KIAA0825: variants seen among roughly 807,000 people sequenced by gnomAD.
The protein encoded by KIAA0825 is KIAA0825.
Under a neutral mutation model 147.6 loss-of-function variants are expected in KIAA0825, and 119 were observed. The ratio of observed to expected loss-of-function variants is 0.81; its 90% CI spans 0.69 to 0.94. The LOEUF (loss-of-function observed/expected upper bound fraction) is 0.94. Ranked by LOEUF, KIAA0825 falls within the 40% of genes least tolerant of loss-of-function variation. KIAA0825 has a pLI of 0.00. For synonymous variants in KIAA0825, 470 were observed against 518.1 expected, an observed-to-expected ratio of 0.91 and a Z score of 1.26; for missense variants, 1,381 against 1,472.7, an observed-to-expected ratio of 0.94 and a Z score of 1.02.
At chr5:94,427,797 G>A (rs1755084833) in intron 14 of KIAA0825, among the ~76,000 whole-genome samples, 1 of 152,026 alleles carries the variant, frequency 6.6e-6, no homozygotes, top group South Asian at 2.1e-4. Flanking sequence ...CCTTTTCATA[G>A]GTCTAGATAT....
At chr5:94,553,537 G>A (rs1179039355) in intron 2 of KIAA0825, among the ~76,000 whole-genome samples, 1 of 151,782 alleles carries the variant, frequency 6.6e-6, no homozygotes, top group Non-Finnish European at 1.5e-5. Flanking sequence ...GGCCAAGGCG[G>A]GTCGATCACC....
At chr5:94,256,767 G>A (rs1776272061) in intron 20 of KIAA0825, among the ~76,000 whole-genome samples, 1 of 152,112 alleles carries the variant, frequency 6.6e-6, no homozygotes, top group Non-Finnish European at 1.5e-5. Flanking sequence ...CCTCCTGAAA[G>A]TGTTGGCAAG....
intron 5 of KIAA0825, among the ~76,000 whole-genome samples, chr5:94,499,593 G>GC (rs1358320594): frequency 6.8e-6 from 1 of 147,352 alleles, no homozygotes; most frequent in Admixed American, 6.8e-5. Flanking sequence ...TCTGGGGGGG[G>GC]GGGGGGACCA....
chr5:94,353,698 G>A (rs1252707658), intron 20 of KIAA0825, among the ~76,000 whole-genome samples: 2 of 151,706 alleles, frequency 1.3e-5, no homozygotes, highest in Non-Finnish European at 2.9e-5. Flanking sequence ...TATATTCTAC[G>A]TGAAATGAGG....
chr5:94,410,759 C>A (rs896937833), intron 15 of KIAA0825, among the ~76,000 whole-genome samples: 2 of 151,932 alleles, frequency 1.3e-5, no homozygotes, highest in African/African-American at 4.8e-5. Context: ...CCATATCTAC[C>A]GAAAAATATT....
intron 2 of KIAA0825, among the ~76,000 whole-genome samples, chr5:94,576,568 C>T (rs1781091107): frequency 6.6e-6 from 1 of 152,304 alleles, no homozygotes; most frequent in African/African-American, 2.4e-5. Context: ...CAAGAAGCCT[C>T]TAACCAGATG....
intron 20 of KIAA0825, among the ~76,000 whole-genome samples, chr5:94,345,022 C>T (rs1028279305): frequency 6.6e-6 from 1 of 151,948 alleles, no homozygotes; most frequent in African/African-American, 2.4e-5. Flanking sequence ...ATACTTAATG[C>T]TGCTGAACTA....
chr5:94,493,705 G>GT (rs1310326028), intron 5 of KIAA0825, among the ~76,000 whole-genome samples: 1 of 152,090 alleles, frequency 6.6e-6, no homozygotes, highest in African/African-American at 2.4e-5. Context: ...AGCCAGGATG[G>GT]TCTCAATCTC....
chr5:94,590,534 G>A (rs1394871112), intron 1 of KIAA0825, among the ~76,000 whole-genome samples: 1 of 152,126 alleles, frequency 6.6e-6, no homozygotes, highest in Non-Finnish European at 1.5e-5. Flanking sequence ...TAAGAACTAA[G>A]GTGAGGATGC....
In KIAA0825 at chr5:94,154,046, T is replaced by C. The variant is rs1388214892; in HGVS notation, c.3789A>G (p.Pro1263=). 7.1e-6 allele frequency: 11 copies of C among 1,551,672 alleles called. No homozygotes were observed. The highest frequency in any genetic ancestry group is 3.9e-5 in the Admixed American group (2 of 51,008). The change falls in exon 21 of 21, where the codon CCA becomes CCG. Residue 1263 remains proline, a synonymous_variant. Transcript: ENST00000682413. The part of the protein sequence containing the change: ...ILEHLKQICT[P]QNSSASDNIE... Reference sequence around the variant, plus strand: ...TGTTATCTGAGGCAGAAGAGTTCTGTGGGGTGCAAATTTGTTTTAAGTGCT... The same window carrying C: ...TGTTATCTGAGGCAGAAGAGTTCTGCGGGGTGCAAATTTGTTTTAAGTGCT...
intron 17 of KIAA0825, 54 bp from the exon 18 acceptor site, chr5:94,391,748 G>T: frequency 7.4e-7 from 1 of 1,354,550 alleles, no homozygotes; most frequent in South Asian, 1.5e-5. Context: ...TAAAGATGGA[G>T]AGTAATCATG....
At chr5:94,187,726 G>T (rs758748673) in intron 20 of KIAA0825, among the ~76,000 whole-genome samples, 50 of 151,992 alleles carry the variant, frequency 3.3e-4, no homozygotes, top group Non-Finnish European at 7.2e-4. Flanking sequence ...CGCCAGACCG[G>T]GAGTTATTTT....
At chr5:94,468,485 C>T (rs1760823319) in intron 10 of KIAA0825, among the ~76,000 whole-genome samples, 1 of 152,186 alleles carries the variant, frequency 6.6e-6, no homozygotes, top group Admixed American at 6.5e-5. Flanking sequence ...TCTCAGGCTA[C>T]CAGCTGCACC....
At chr5:94,291,678 A>T (rs1443389145) in intron 20 of KIAA0825, among the ~76,000 whole-genome samples, 1 of 152,210 alleles carries the variant, frequency 6.6e-6, no homozygotes, top group Non-Finnish European at 1.5e-5. Context: ...TGGGGGTAGC[A>T]TTGAATCTAT....
rs994158234 is a variant in KIAA0825, at chr5:94,546,726, A to G, written c.-1-9599T>C. On this transcript the variant is annotated intron_variant, in intron 2 of 20. Transcript: ENST00000682413. The stretch of plus-strand genomic sequence containing the variant: ...TACCTGGAAAGCATTCCCAACAAAG[A>G]CAGGCACAAACAAGCCCAGCCTGTG... 1.8e-4 allele frequency among the ~76,000 whole-genome samples: 27 copies of G among 150,638 alleles called. 1 individual carries two copies. Among genetic ancestry groups the G allele is most frequent in the African/African-American group, 6.6e-4 (27 of 40,796 alleles).
Position 94,151,277 on chromosome 5 carries a change from C to T in KIAA0825, c.*2730G>A, listed in dbSNP as rs1450179508. Among the ~76,000 whole-genome samples, 3 of 150,672 alleles carry T rather than the reference C, an allele frequency of 2.0e-5. No individual in the cohort carries two copies. The highest frequency in any genetic ancestry group is 2.1e-4 in the South Asian group (1 of 4,752). ...CTAAAAATACAAAAAAGTAGCCGGGCGCGGTGGCGGGCGCCTGTAGTCCCA... is the reference window on the plus strand; with the variant it reads ...CTAAAAATACAAAAAAGTAGCCGGGTGCGGTGGCGGGCGCCTGTAGTCCCA... On this transcript the variant is annotated 3_prime_UTR_variant, in exon 21 of 21. Coordinates refer to ENST00000682413, the MANE Select transcript of KIAA0825 (RefSeq NM_001145678.3).
chr5:94,267,517 G>GT (rs1776788173), intron 20 of KIAA0825, among the ~76,000 whole-genome samples: 1 of 152,116 alleles, frequency 6.6e-6, no homozygotes, highest in African/African-American at 2.4e-5. Flanking sequence ...GCCAGATTAA[G>GT]AAAGACCCAC....
intron 15 of KIAA0825, 79 bp downstream of exon 15, chr5:94,417,122 A>G (rs909093599): frequency 2.2e-6 from 3 of 1,359,860 alleles, no homozygotes; most frequent in African/African-American, 2.9e-5. Context: ...ACCAGTATCA[A>G]TACAACTTCT....
intron 20 of KIAA0825, among the ~76,000 whole-genome samples, chr5:94,200,950 T>C (rs1583830740): frequency 2.1e-5 from 1 of 46,898 alleles, no homozygotes; most frequent in African/African-American, 1.5e-4. Flanking sequence ...TTTAAACATA[T>C]ATATATATAT....
Sources: gnomAD v4.1 joint callset for allele counts (sites outside exome capture counted in the v4.1 genomes callset) on GRCh38, gnomAD v4.1.1 for gene constraint, MANE v1.5 for transcripts, NCBI Gene and HGNC (gene_info 2026-07-23, HGNC 2026-07-21) for gene names.